The following CDC14A variants were observed in gnomAD, a reference collection of about 807,000 sequenced individuals.
CDC14A encodes dual specificity protein phosphatase CDC14A.
Under a neutral mutation model 74.4 loss-of-function variants are expected in CDC14A, and 53 were observed. That is an observed-to-expected ratio of 0.71 (90% CI 0.57 to 0.89). The LOEUF (loss-of-function observed/expected upper bound fraction) is 0.89, where lower values mean the gene tolerates loss of function less well. Ranked by LOEUF, CDC14A falls within the 40% of genes least tolerant of loss-of-function variation. CDC14A has a pLI of 0.00. For synonymous variants in CDC14A, 247 were observed against 258.4 expected (o/e 0.96, Z 0.43); for missense variants, 646 against 713.7 (o/e 0.91, Z 1.08).
chr1:100,475,421 A>C (rs996999310), intron 10 of CDC14A, among the ~76,000 whole-genome samples: 1 of 152,138 alleles, frequency 6.6e-6, no homozygotes, highest in African/African-American at 2.4e-5. Flanking sequence ...ATCTCTTTTC[A>C]TTCAGTCAAT....
rs186777819 is a variant in CDC14A at position 100,489,351 on chromosome 1, C to G, written c.1137+4900C>G. ...ATGTCATTTTTCTATTAGGACTCTTCCATCTTTATTCCCTAGTGTGCTATA... is the reference window on the plus strand; with the variant it reads ...ATGTCATTTTTCTATTAGGACTCTTGCATCTTTATTCCCTAGTGTGCTATA... On this transcript the variant is annotated intron_variant, in intron 11 of 15. Transcript: ENST00000336454. Among the ~76,000 whole-genome samples the G allele has an allele frequency of 1.8e-4, 28 of 152,256 alleles. No individual in the cohort carries two copies. The East Asian group carries it at 5.2e-3, about 28-fold the overall frequency.
intron 8 of CDC14A, among the ~76,000 whole-genome samples, chr1:100,461,122 G>T (rs1051286629): frequency 3.3e-5 from 5 of 152,300 alleles, no homozygotes; most frequent in South Asian, 2.1e-4. Flanking sequence ...TTTAAGGCTG[G>T]GGGGACAAAA....
At chr1:100,398,414 A>G (rs1298130654) in intron 4 of CDC14A, among the ~76,000 whole-genome samples, 1 of 152,156 alleles carries the variant, frequency 6.6e-6, no homozygotes, top group Non-Finnish European at 1.5e-5. Context: ...CTCAGTAACA[A>G]CACTCATATG....
At chr1:100,439,652 T>C (rs1487961217) in intron 5 of CDC14A, among the ~76,000 whole-genome samples, 1 of 152,250 alleles carries the variant, frequency 6.6e-6, no homozygotes, top group Non-Finnish European at 1.5e-5. Flanking sequence ...AATAACTTGC[T>C]TAAGTTCCTG....
intron 11 of CDC14A, chr1:100,484,980 CTATTT>C (rs1393033162): frequency 1.0e-6 from 1 of 979,422 alleles, no homozygotes; most frequent in African/African-American, 1.8e-5. Flanking sequence ...AATACTATCT[CTATTT>C]TATAGGAAGG....
At chr1:100,491,635 G>C (rs1360726480) in intron 11 of CDC14A, among the ~76,000 whole-genome samples, 1 of 131,626 alleles carries the variant, frequency 7.6e-6, no homozygotes, top group African/African-American at 3.0e-5. Context: ...GCAGTGGTGC[G>C]ATCTAGGCTC....
intron 5 of CDC14A, among the ~76,000 whole-genome samples, chr1:100,429,559 C>T (rs918823208): frequency 7.9e-5 from 12 of 151,472 alleles, no homozygotes; most frequent in Non-Finnish European, 1.6e-4. Context: ...GATTCTGTGC[C>T]CAGAAATTTT....
chr1:100,503,749 G>C (rs1327380762), intron 15 of CDC14A, among the ~76,000 whole-genome samples: 1 of 152,182 alleles, frequency 6.6e-6, no homozygotes, highest in Non-Finnish European at 1.5e-5. Flanking sequence ...TTCACTCCCT[G>C]ACACTCAGAG....
chr1:100,484,503 G>C, intron 11 of CDC14A, 52 bp downstream of exon 11: 1 of 1,538,186 alleles, frequency 6.5e-7, no homozygotes, highest in South Asian at 1.3e-5. Context: ...TTCTGCATTT[G>C]TTTCTCAGTT....
upstream of CDC14A, among the ~76,000 whole-genome samples, chr1:100,351,168 T>C (rs911170414): frequency 4.0e-5 from 6 of 151,606 alleles, no homozygotes; most frequent in Admixed American, 3.9e-4. Context: ...CACTCCGGCC[T>C]GGGTGACAGA....
At chr1:100,372,123 T>C (rs961726241) in intron 2 of CDC14A, among the ~76,000 whole-genome samples, 1 of 152,252 alleles carries the variant, frequency 6.6e-6, no homozygotes, top group Admixed American at 6.5e-5. Flanking sequence ...GCAATGTATA[T>C]ACCTTAACTA....
At chr1:100,393,394 C>T (rs996903204) in intron 4 of CDC14A, 32 of 844,926 alleles carry the variant, frequency 3.8e-5, no homozygotes, top group Admixed American at 3.2e-4. Flanking sequence ...TTTACACATT[C>T]TTGCCATGCA....
At chr1:100,509,621 C>G (rs374352096) in intron 15 of CDC14A, among the ~76,000 whole-genome samples, 3 of 152,246 alleles carry the variant, frequency 2.0e-5, no homozygotes, top group African/African-American at 7.2e-5. Context: ...CACACATACA[C>G]ATACATGTGG....
chr1:100,456,307 C>T (rs941753119), intron 8 of CDC14A, among the ~76,000 whole-genome samples: 2 of 152,186 alleles, frequency 1.3e-5, no homozygotes, highest in Non-Finnish European at 2.9e-5. Flanking sequence ...TTATTTTGTA[C>T]TTACTAATTT....
chr1:100,381,610 T>G (rs1310041057), intron 3 of CDC14A, among the ~76,000 whole-genome samples: 1 of 152,228 alleles, frequency 6.6e-6, no homozygotes, highest in East Asian at 1.9e-4. Context: ...GATGTTTTTT[T>G]CCAGTTGATG....
chr1:100,456,924 G>T (rs1215605305), intron 8 of CDC14A, among the ~76,000 whole-genome samples: 9 of 152,216 alleles, frequency 5.9e-5, no homozygotes, highest in African/African-American at 2.2e-4. Context: ...ATCTTTTTTG[G>T]TCTGGACATT....
chr1:100,426,640 A>T (rs1662990661), intron 5 of CDC14A, among the ~76,000 whole-genome samples: 1 of 152,210 alleles, frequency 6.6e-6, no homozygotes, highest in Admixed American at 6.5e-5. Flanking sequence ...AGTGAAAATT[A>T]TCCCTCCCAT....
chr1:100,352,849 T>C lies in CDC14A; in HGVS notation c.-106T>C, dbSNP rs1258020260. 2 of 1,579,160 alleles carry C rather than the reference T, an allele frequency of 1.3e-6. No homozygotes were observed. The highest frequency in any genetic ancestry group is 2.7e-5 in the African/African-American group (2 of 73,484). On this transcript the variant is annotated 5_prime_UTR_variant, in exon 1 of 16. Transcript: ENST00000336454. ...CTGCCTCCCTCGGCCAGGCTTGTTGTTCGGGACTGTGAGCTTCCTGGCTCC... is the reference window on the plus strand; with the variant it reads ...CTGCCTCCCTCGGCCAGGCTTGTTGCTCGGGACTGTGAGCTTCCTGGCTCC...
intron 1 of CDC14A, among the ~76,000 whole-genome samples, chr1:100,346,631 CAAA>C (rs200477363): frequency 9.0e-5 from 7 of 77,938 alleles, no homozygotes; most frequent in Non-Finnish European, 8.6e-5. Flanking sequence ...GACTCTGTCT[CAAA>C]AAAAAAAAAA....
Sources: gnomAD v4.1 joint callset for allele counts (sites outside exome capture counted in the v4.1 genomes callset) on GRCh38, gnomAD v4.1.1 for gene constraint, MANE v1.5 for transcripts, NCBI Gene and HGNC (gene_info 2026-07-23, HGNC 2026-07-21) for gene names.